BRDT: variants seen among roughly 807,000 people sequenced by gnomAD.
BRDT encodes bromodomain testis associated.
Under a neutral mutation model 113.9 loss-of-function variants are expected in BRDT, and 77 were observed. The ratio of observed to expected loss-of-function variants is 0.68; its 90% CI spans 0.56 to 0.82. The LOEUF (loss-of-function observed/expected upper bound fraction) is 0.82. Among genes scored for constraint, BRDT ranks in the 40% least tolerant of loss-of-function variants. The pLI, the probability that BRDT is intolerant of heterozygous loss-of-function variation, is 0.00. For synonymous variants in BRDT, 358 were observed against 366.5 expected, an observed-to-expected ratio of 0.98 and a Z score of 0.26; for missense variants, 1,027 against 1,105.4, an observed-to-expected ratio of 0.93 and a Z score of 1.01.
rs187583543 is a variant in BRDT at position 91,981,660 on chromosome 1, G to A, written c.1907G>A (p.Arg636Gln). ...QPSKAVENVS[R>Q]LSESSSSSSS... Reference sequence around the variant, plus strand: ...TCCAAAGCTGTTGAAAATGTTTCCCGACTGAGTGAGAGCAGCAGCAGCAGC... The same window carrying A: ...TCCAAAGCTGTTGAAAATGTTTCCCAACTGAGTGAGAGCAGCAGCAGCAGC... Residue 636 changes from arginine (R) to glutamine (Q), a missense_variant, in exon 12 of 19, where the codon CGA becomes CAA. Coordinates refer to ENST00000399546, the MANE Select transcript of BRDT (RefSeq NM_207189.4). The A allele has an allele frequency of 8.6e-5, 139 of 1,614,060 alleles. No individual in the cohort carries two copies. The highest frequency in any genetic ancestry group is 1.8e-4 in the Admixed American group (11 of 60,002).
At chr1:92,007,873 A>T (rs1191437820) in intron 18 of BRDT, among the ~76,000 whole-genome samples, 1 of 151,542 alleles carries the variant, frequency 6.6e-6, no homozygotes, top group African/African-American at 2.4e-5. Flanking sequence ...TGTGCTTTTC[A>T]TTCCTTTATT....
At chr1:91,990,742 ACT>A (rs1478141226) in intron 12 of BRDT, among the ~76,000 whole-genome samples, 2 of 152,074 alleles carry the variant, frequency 1.3e-5, no homozygotes, top group African/African-American at 4.8e-5. Context: ...AAAACCTGTG[ACT>A]CTAAGGATTT....
intron 18 of BRDT, among the ~76,000 whole-genome samples, chr1:92,010,332 C>T (rs1254895022): frequency 3.9e-5 from 5 of 127,886 alleles, no homozygotes; most frequent in South Asian, 5.0e-4. Flanking sequence ...AGTGCAGTGG[C>T]GTGATCTCGG....
At chr1:91,991,979 A>G (rs1685805442) in intron 13 of BRDT, among the ~76,000 whole-genome samples, 3 of 130,994 alleles carry the variant, frequency 2.3e-5, no homozygotes, top group South Asian at 2.8e-4. Flanking sequence ...GCGACAGAGC[A>G]AGACTCTGTC....
chr1:91,966,002 T>C (rs957775827), intron 3 of BRDT, among the ~76,000 whole-genome samples: 3 of 152,164 alleles, frequency 2.0e-5, no homozygotes, highest in South Asian at 2.1e-4. Context: ...AATTTGCCCA[T>C]ATGATATATG....
At chr1:91,968,044 G>T in intron 3 of BRDT, 102 bp from the exon 4 acceptor site, 1 of 1,137,944 alleles carries the variant, frequency 8.8e-7, no homozygotes, top group African/African-American at 1.6e-5. Context: ...ATACCGTCTA[G>T]GAGTACTATG....
chr1:91,979,711 AT>A lies in BRDT; in HGVS notation c.1243del (p.Ser415LeufsTer34), dbSNP rs762454713. 6.2e-7 allele frequency: 1 copy of A among 1,612,148 alleles called. No individual in the cohort carries two copies. The highest frequency in any genetic ancestry group is 1.1e-5 in the South Asian group (1 of 90,482). On this transcript the variant is annotated frameshift_variant, in exon 8 of 19. Transcript: ENST00000399546. LOFTEE classifies it high-confidence loss of function. ...TCCTCTGAAGGGAACTCTTCTGATG[AT>A]TCTGAAGATGAGCGAGTTAAGCGTC... is the stretch of plus-strand genomic sequence containing the variant. ...EASSEGNSSD[D>X]SEDERVKRLA...
At chr1:92,006,339 G>A (rs1482579664) in intron 18 of BRDT, among the ~76,000 whole-genome samples, 7 of 151,518 alleles carry the variant, frequency 4.6e-5, no homozygotes, top group Admixed American at 1.3e-4. Flanking sequence ...TATGACTAGC[G>A]TTGGCACAGT....
At chr1:91,990,839 C>T (rs1398364217) in intron 12 of BRDT, among the ~76,000 whole-genome samples, 1 of 152,128 alleles carries the variant, frequency 6.6e-6, no homozygotes, top group African/African-American at 2.4e-5. Context: ...ACTCTCTTGC[C>T]CAGCCTGGAG....
In BRDT at chr1:91,981,859, G is replaced by T; in HGVS notation, c.2002+104G>T. ...TATTTGTTACTTACCCAGAATCCAT[G>T]GTTTGTATATCATGCTAATTATTTA... On this transcript the variant is annotated intron_variant, in intron 12 of 18. Transcript: ENST00000399546. 3 of 1,353,310 alleles carry T rather than the reference G, an allele frequency of 2.2e-6. 1 individual carries two copies. Among genetic ancestry groups the T allele is most frequent in the South Asian group, 3.4e-5 (2 of 59,638 alleles). The allele number at this position is 1,353,310 out of a possible 1,614,324, so 83.8% of individuals were successfully genotyped here. A position where few individuals can be genotyped will look rare whatever the true frequency, so the allele number is the denominator to read the frequency against.
chr1:91,950,748 C>T (rs922010076), intron 1 of BRDT: 3 of 123,886 alleles, frequency 2.4e-5, no homozygotes, highest in Admixed American at 2.1e-4. Flanking sequence ...CTCAGAGGAT[C>T]GCCTGAGTCG....
At chr1:91,980,864 G>A (rs772881528) in intron 9 of BRDT, 25 bp from the exon 10 acceptor site, 1 of 1,593,076 alleles carries the variant, frequency 6.3e-7, no homozygotes, top group Non-Finnish European at 8.5e-7. Flanking sequence ...ACGATAAGTT[G>A]GACTAAATTT....
At position 91,962,845 on chromosome 1, in the gene BRDT, C is replaced by G. The variant is rs1682635191; in HGVS notation, c.91C>G (p.Gln31Glu). Residue 31 changes from glutamine to glutamate, a missense_variant, in exon 2 of 19, where the codon CAA (glutamine) becomes GAA (glutamate). Gln to Glu is a conservative substitution (Grantham distance 29, BLOSUM62 2). Transcript: ENST00000399546. Reference protein sequence around the residue: ...NTKKNGRLTNQLQYLQKVVLK... With the variant: ...NTKKNGRLTNELQYLQKVVLK... ...TAAGAAAAATGGGCGATTGACAAAT[C>G]AACTTCAGTATCTACAAAAAGTTGT... The G allele has an allele frequency of 4.3e-6, 7 of 1,612,812 alleles. No individual in the cohort carries two copies. The South Asian group carries it at 7.7e-5, about 18-fold the overall frequency.
intron 7 of BRDT, 126 bp from the exon 8 acceptor site, chr1:91,979,443 A>G (rs2101665392): frequency 1.1e-6 from 1 of 923,980 alleles, no homozygotes; most frequent in Non-Finnish European, 1.6e-6. Context: ...TTCTTCTGAT[A>G]TATCTTAAAG....
intron 18 of BRDT, among the ~76,000 whole-genome samples, chr1:92,009,446 A>G (rs1242292755): frequency 6.6e-6 from 1 of 151,500 alleles, no homozygotes; most frequent in Non-Finnish European, 1.5e-5. Context: ...CAGTTTAGTT[A>G]TTACTTACCT....
At chr1:91,988,522 TC>T (rs1355545527) in intron 12 of BRDT, among the ~76,000 whole-genome samples, 3 of 152,072 alleles carry the variant, frequency 2.0e-5, no homozygotes, top group Non-Finnish European at 2.9e-5. Context: ...TGCCTCAGCC[TC>T]CCGAGTAGCT....
chr1:91,988,253 T>C (rs945646408), intron 12 of BRDT, among the ~76,000 whole-genome samples: 1 of 152,172 alleles, frequency 6.6e-6, no homozygotes, highest in African/African-American at 2.4e-5. Context: ...TTAGAATATA[T>C]GCCACAGTAT....
intron 18 of BRDT, among the ~76,000 whole-genome samples, chr1:92,005,638 T>G (rs991248062): frequency 3.3e-5 from 5 of 152,122 alleles, no homozygotes; most frequent in Non-Finnish European, 7.4e-5. Context: ...AGCAACATGG[T>G]GCTCTCAAAC....
At chr1:92,012,454 TTACATA>T (rs1201199561) in intron 18 of BRDT, among the ~76,000 whole-genome samples, 6 of 152,250 alleles carry the variant, frequency 3.9e-5, no homozygotes, top group African/African-American at 1.4e-4. Context: ...ACAGGTTTCA[TTACATA>T]TTCTACAAAT....
Sources: gnomAD v4.1 joint callset for allele counts (sites outside exome capture counted in the v4.1 genomes callset) on GRCh38, gnomAD v4.1.1 for gene constraint, MANE v1.5 for transcripts, NCBI Gene and HGNC (gene_info 2026-07-23, HGNC 2026-07-21) for gene names.